PLXNC1: variants seen among roughly 807,000 people sequenced by gnomAD.
PLXNC1 encodes plexin C1.
A neutral mutation model predicts 178.2 loss-of-function variants in PLXNC1; 75 were observed. That is an observed-to-expected ratio of 0.42 (90% CI 0.35 to 0.51). The LOEUF is 0.51. PLXNC1 is among the 20% of genes least tolerant of loss of function. The pLI is 0.02. For missense variants in PLXNC1, 1,503 were observed against 1,984.4 expected, an observed-to-expected ratio of 0.76 and a Z score of 4.61; for synonymous variants, 790 against 779.9, an observed-to-expected ratio of 1.01 and a Z score of -0.22.
At chr12:94,282,463 T>TC in intron 23 of PLXNC1, 62 bp downstream of exon 23, 8 of 1,117,242 alleles carry the variant, frequency 7.2e-6, no homozygotes, top group Non-Finnish European at 1.1e-5. Context: ...CCATGGACAT[T>TC]CTTTTAAAAC....
At chr12:94,234,498 T>C (rs930867665) in intron 9 of PLXNC1, among the ~76,000 whole-genome samples, 4 of 152,358 alleles carry the variant, frequency 2.6e-5, no homozygotes, top group Non-Finnish European at 5.9e-5. Flanking sequence ...TCATAGTAGT[T>C]TATTAAATAA....
At chr12:94,262,840 G>A in intron 20 of PLXNC1, 1 of 917,822 alleles carries the variant, frequency 1.1e-6, no homozygotes, top group Non-Finnish European at 1.3e-6. Context: ...CAGACAGCAT[G>A]CTAAGAGCTT....
chr12:94,209,521 G>GCACGTATGGGGTCGCTGTTTTAACTAACA (rs1414211802), intron 4 of PLXNC1, 69 bp from the exon 5 acceptor site: 4 of 846,018 alleles, frequency 4.7e-6, no homozygotes, highest in African/African-American at 3.4e-5. Context: ...TTTAACTAAT[G>GCACGTATGGGGTCGCTGTTTTAACTAACA]CACGTATGGG....
At chr12:94,181,978 T>C (rs972747905) in intron 3 of PLXNC1, among the ~76,000 whole-genome samples, 1 of 152,126 alleles carries the variant, frequency 6.6e-6, no homozygotes, top group Non-Finnish European at 1.5e-5. Context: ...CACAGTCTCA[T>C]ACACATTCAT....
chr12:94,186,848 T>C (rs551550309), intron 4 of PLXNC1: 138 of 210,976 alleles, frequency 6.5e-4, no homozygotes, highest in South Asian at 3.8e-3. Context: ...ATTTTTCAGC[T>C]GAATCCCCAT....
At chr12:94,150,696 CT>C (rs1478944479) in intron 1 of PLXNC1, 2 of 152,530 alleles carry the variant, frequency 1.3e-5, no homozygotes, top group African/African-American at 4.8e-5. Flanking sequence ...TCAGGGTGCG[CT>C]GTGGTCGCCA....
chr12:94,204,752 T>A (rs1354233052), intron 4 of PLXNC1, among the ~76,000 whole-genome samples: 1 of 152,258 alleles, frequency 6.6e-6, no homozygotes, highest in Non-Finnish European at 1.5e-5. Flanking sequence ...AATGCAGACA[T>A]CTGTTTCAAA....
intron 17 of PLXNC1, among the ~76,000 whole-genome samples, chr12:94,256,751 GA>G (rs774976719): frequency 6.9e-6 from 1 of 144,044 alleles, no homozygotes; most frequent in Non-Finnish European, 1.5e-5. Flanking sequence ...TCTGTGGCCT[GA>G]AAAAAGAAAT....
chr12:94,227,255 T>A lies in PLXNC1; in HGVS notation c.1980+20T>A, dbSNP rs775057030. ...TTACAGGTCAGACCCTATTTTTGTGTGGTTGAGGGGAAAACCTGTCTTTGA... is the reference window on the plus strand; with the variant it reads ...TTACAGGTCAGACCCTATTTTTGTGAGGTTGAGGGGAAAACCTGTCTTTGA... On this transcript the variant is annotated intron_variant, in intron 9 of 30. Transcript: ENST00000258526. The A allele has an allele frequency of 1.2e-5, 18 of 1,474,684 alleles. No individual in the cohort carries two copies. The highest frequency in any genetic ancestry group is 1.6e-5 in the Non-Finnish European group (17 of 1,053,266). 91.3% of individuals were successfully genotyped at this position (1,474,684 alleles called of 1,614,324 possible).
intron 10 of PLXNC1, among the ~76,000 whole-genome samples, chr12:94,238,091 C>T (rs1964289072): frequency 6.6e-6 from 1 of 152,094 alleles, no homozygotes; most frequent in Admixed American, 6.6e-5. Flanking sequence ...TTTTCAGTAA[C>T]AAAATCAAGT....
intron 4 of PLXNC1, among the ~76,000 whole-genome samples, chr12:94,197,844 G>C (rs1395781226): frequency 1.3e-5 from 2 of 152,210 alleles, no homozygotes; most frequent in African/African-American, 2.4e-5. Flanking sequence ...GGAGAGGGGA[G>C]AGCCTGGAGC....
intron 1 of PLXNC1, among the ~76,000 whole-genome samples, chr12:94,167,038 C>T (rs926775812): frequency 2.6e-5 from 4 of 152,066 alleles, no homozygotes; most frequent in Admixed American, 1.3e-4. Context: ...CTACTGATCC[C>T]GGACTTACTT....
In PLXNC1 at chr12:94,149,068, C is replaced by T. The variant is rs1960838782; in HGVS notation, c.97C>T (p.Arg33Trp). Residue 33 changes from arginine to tryptophan, a missense_variant, in exon 1 of 31, where the codon CGG becomes TGG. Physicochemically the swap from Arg to Trp is moderately radical, Grantham distance 101 (BLOSUM62 -3). Transcript: ENST00000258526. ...AYLLALAAPG[R>W]GADEPVWRSE... is the part of the protein sequence containing the mutation. ...TCTGCTGGCACTGGCGGCTCCCGGCCGGGGCGCGGACGAGCCCGTGTGGCG... is the reference window on the plus strand; with the variant it reads ...TCTGCTGGCACTGGCGGCTCCCGGCTGGGGCGCGGACGAGCCCGTGTGGCG... 1.3e-6 allele frequency: 2 copies of T among 1,557,640 alleles called. No individual in the cohort carries two copies. The highest frequency in any genetic ancestry group is 1.7e-6 in the Non-Finnish European group (2 of 1,160,418).
chr12:94,254,829 GCAAA>G lies in PLXNC1; in HGVS notation c.2927_2930del (p.Lys976ArgfsTer5). 6.2e-7 allele frequency: 1 copy of G among 1,611,264 alleles called. No individual in the cohort carries two copies. The highest frequency in any genetic ancestry group is 8.5e-7 in the Non-Finnish European group (1 of 1,179,358). On this transcript the variant is annotated frameshift_variant, in exon 16 of 31. Coordinates refer to ENST00000258526, the MANE Select transcript of PLXNC1 (RefSeq NM_005761.3). LOFTEE classifies it high-confidence loss of function. ...AGGCACAAATCGAAGGAGCTGAGTC[GCAAA>G]CAGAGTCAACAACTAGAATTGCTGG... is the stretch of plus-strand genomic sequence containing the variant.
intron 4 of PLXNC1, among the ~76,000 whole-genome samples, chr12:94,187,723 ATGG>A (rs940822820): frequency 6.6e-6 from 1 of 152,214 alleles, no homozygotes; most frequent in Admixed American, 6.5e-5. Flanking sequence ...CAATTCGATA[ATGG>A]TGGCGATGAT....
chr12:94,279,999 G>A (rs1026077267), intron 22 of PLXNC1: 2 of 392,950 alleles, frequency 5.1e-6, no homozygotes, highest in Non-Finnish European at 9.7e-6. Context: ...CTCTGCGTGT[G>A]TTGCATTTCA....
In PLXNC1 at chr12:94,197,437, T is replaced by TTCTCTC. The variant is rs61069982; in HGVS notation, c.1439+10982_1439+10987dup. The stretch of plus-strand genomic sequence containing the variant: ...TGATAAAATGATACATTAGGCCCCT[T>TTCTCTC]TCTCTCTCTCTCTCTCTCTCTCTGT... On this transcript the variant is annotated intron_variant, in intron 4 of 30. Transcript: ENST00000258526. 9.8e-3 allele frequency among the ~76,000 whole-genome samples: 1,458 copies of TTCTCTC among 148,632 alleles called. 23 individuals carry two copies. The highest frequency in any genetic ancestry group is 0.03 in the African/African-American group (1,207 of 40,204).
At chr12:94,177,197 A>AAG (rs1401741038) in intron 2 of PLXNC1, among the ~76,000 whole-genome samples, 2 of 38,812 alleles carry the variant, frequency 5.2e-5, no homozygotes, top group Admixed American at 5.2e-4. Context: ...GTATATATAT[A>AAG]TACGTATATA....
At chr12:94,171,357 G>A (rs1309426904) in intron 2 of PLXNC1, among the ~76,000 whole-genome samples, 2 of 152,140 alleles carry the variant, frequency 1.3e-5, no homozygotes, top group South Asian at 2.1e-4. Context: ...GCAGCTTTTT[G>A]TTGTTTGTTT....
Sources: gnomAD v4.1 joint callset for allele counts (sites outside exome capture counted in the v4.1 genomes callset) on GRCh38, gnomAD v4.1.1 for gene constraint, MANE v1.5 for transcripts, NCBI Gene and HGNC (gene_info 2026-07-23, HGNC 2026-07-21) for gene names.